Variants in PLCB1 observed in about 807,000 individuals in gnomAD.
PLCB1 encodes 1-phosphatidylinositol 4,5-bisphosphate phosphodiesterase beta-1.
In PLCB1, 46 loss-of-function variants were observed where a neutral mutation model predicts 161.8. The ratio of observed to expected loss-of-function variants is 0.28; its 90% confidence interval spans 0.22 to 0.36. The LOEUF (loss-of-function observed/expected upper bound fraction) is 0.36, where lower values mean the gene tolerates loss of function less well. Ranked by LOEUF, PLCB1 falls within the 10% of genes least tolerant of loss-of-function variation. The pLI, the probability that PLCB1 is intolerant of heterozygous loss-of-function variation, is 1.00. For missense variants in PLCB1, 1,016 were observed against 1,472.5 expected (o/e 0.69, Z 5.07); for synonymous variants, 517 against 503.7 (o/e 1.03, Z -0.35).
intron 10 of PLCB1, among the ~76,000 whole-genome samples, chr20:8,687,782 G>A (rs957771388): frequency 3.3e-5 from 5 of 152,208 alleles, no homozygotes; most frequent in Non-Finnish European, 7.3e-5. Context: ...TGTGAATTGT[G>A]CTGCTGTAAA....
At chr20:8,672,641 T>C (rs1989976855) in intron 9 of PLCB1, among the ~76,000 whole-genome samples, 1 of 152,134 alleles carries the variant, frequency 6.6e-6, no homozygotes, top group Non-Finnish European at 1.5e-5. Flanking sequence ...CTTAGCAATG[T>C]GCCATGAGTT....
chr20:8,763,743 A>C (rs1485887715), intron 25 of PLCB1, among the ~76,000 whole-genome samples: 1 of 151,922 alleles, frequency 6.6e-6, no homozygotes, highest in East Asian at 1.9e-4. Context: ...GCTAGTCTCG[A>C]ATTCCTGACC....
chr20:8,441,885 CATAGTTA>C (rs1164486193), intron 3 of PLCB1, among the ~76,000 whole-genome samples: 1 of 152,134 alleles, frequency 6.6e-6, no homozygotes, highest in Non-Finnish European at 1.5e-5. Context: ...ATAACTGTTA[CATAGTTA>C]ATTCAAAGAA....
intron 3 of PLCB1, among the ~76,000 whole-genome samples, chr20:8,378,012 T>C (rs1014446140): frequency 9.9e-5 from 15 of 152,112 alleles, no homozygotes; most frequent in Admixed American, 6.6e-5. Context: ...GCATTTAGAC[T>C]TTGAGGAGAC....
intron 3 of PLCB1, among the ~76,000 whole-genome samples, chr20:8,541,584 GAAAGAAAGAAAGA>G (rs1312291827): frequency 9.3e-5 from 14 of 150,354 alleles, no homozygotes; most frequent in Non-Finnish European, 1.6e-4. Context: ...AAGAAAGAAA[GAAAGAAAGAAAGA>G]AAGAAAGAAA....
chr20:8,254,664 T>C (rs1285628115), intron 2 of PLCB1, among the ~76,000 whole-genome samples: 1 of 152,042 alleles, frequency 6.6e-6, no homozygotes, highest in African/African-American at 2.4e-5. Context: ...CAACCTGATA[T>C]GGTTGACTTA....
intron 26 of PLCB1, among the ~76,000 whole-genome samples, chr20:8,769,969 T>C (rs1475057784): frequency 6.6e-6 from 1 of 152,206 alleles, no homozygotes; most frequent in African/African-American, 2.4e-5. Context: ...TTTTTTGTTT[T>C]TGAGATGGAG....
intron 2 of PLCB1, among the ~76,000 whole-genome samples, chr20:8,163,780 C>T (rs186517269): frequency 2.6e-5 from 4 of 152,282 alleles, no homozygotes; most frequent in Admixed American, 2.6e-4. Context: ...ACATTTCCCA[C>T]CAGGCTAGCC....
At chr20:8,874,298 G>A (rs1028306490) in intron 31 of PLCB1, among the ~76,000 whole-genome samples, 2 of 151,034 alleles carry the variant, frequency 1.3e-5, no homozygotes, top group Non-Finnish European at 3.0e-5. Context: ...TAAAATAATT[G>A]AAAATGTCTA....
chr20:8,347,433 A>G (rs566833570), intron 2 of PLCB1, among the ~76,000 whole-genome samples: 7 of 152,174 alleles, frequency 4.6e-5, no homozygotes, highest in Non-Finnish European at 8.8e-5. Flanking sequence ...CCTGAAACCA[A>G]ACCAGAAGGC....
chr20:8,787,716 G>C (rs1231813257), intron 27 of PLCB1, among the ~76,000 whole-genome samples: 1 of 152,244 alleles, frequency 6.6e-6, no homozygotes, highest in Non-Finnish European at 1.5e-5. Flanking sequence ...ATTAGGAATT[G>C]TGCAGAATAC....
chr20:8,369,488 C>G (rs1027015272), intron 2 of PLCB1, among the ~76,000 whole-genome samples: 1 of 152,138 alleles, frequency 6.6e-6, no homozygotes, highest in African/African-American at 2.4e-5. Context: ...GTTTTTCCAC[C>G]GTTTCTTCAC....
chr20:8,658,496 A>G, intron 8 of PLCB1, 42 bp from the exon 9 acceptor site: 1 of 1,446,432 alleles, frequency 6.9e-7, no homozygotes, highest in Non-Finnish European at 9.4e-7. Context: ...AATGAAACTT[A>G]GTTTAAAAAA....
intron 2 of PLCB1, among the ~76,000 whole-genome samples, chr20:8,168,593 C>T (rs186005953): frequency 4.8e-4 from 73 of 152,238 alleles, no homozygotes; most frequent in African/African-American, 1.8e-3. Context: ...TCTCTTAAAG[C>T]AGATGGTGTT....
intron 9 of PLCB1, among the ~76,000 whole-genome samples, chr20:8,669,143 T>G (rs1444958162): frequency 2.0e-5 from 3 of 152,236 alleles, no homozygotes; most frequent in Non-Finnish European, 4.4e-5. Flanking sequence ...TCACTTCCAT[T>G]TCTTCATCTA....
chr20:8,242,321 G>C (rs1980658206), intron 2 of PLCB1, among the ~76,000 whole-genome samples: 2 of 151,980 alleles, frequency 1.3e-5, no homozygotes, highest in South Asian at 2.1e-4. Context: ...ACTCAGCTAT[G>C]ATGAGGATAA....
At chr20:8,618,943 AAAAC>A (rs1242349660) in intron 3 of PLCB1, among the ~76,000 whole-genome samples, 1 of 152,214 alleles carries the variant, frequency 6.6e-6, no homozygotes, top group Non-Finnish European at 1.5e-5. Flanking sequence ...GTATATAAAT[AAAAC>A]AAAGGAAATA....
chr20:8,825,286 G>A (rs1985638096), intron 31 of PLCB1, among the ~76,000 whole-genome samples: 1 of 152,220 alleles, frequency 6.6e-6, no homozygotes, highest in Non-Finnish European at 1.5e-5. Context: ...AAAGGAGCAT[G>A]GTGCCAGGAA....
chr20:8,163,411 G>A (rs1481046263), intron 2 of PLCB1, among the ~76,000 whole-genome samples: 1 of 152,192 alleles, frequency 6.6e-6, no homozygotes, highest in South Asian at 2.1e-4. Flanking sequence ...AAATCCCTCA[G>A]ACATAGATGC....
Sources: allele counts gnomAD v4.1 joint callset (sites outside exome capture counted in the v4.1 genomes callset), GRCh38; gene constraint gnomAD v4.1.1; transcripts MANE v1.5; gene names NCBI Gene and HGNC (gene_info 2026-07-23, HGNC 2026-07-21).